The following PCDH9 variants were observed in gnomAD, a reference collection of about 807,000 sequenced individuals.
PCDH9 encodes protocadherin 9.
Under a neutral mutation model 70.6 loss-of-function variants are expected in PCDH9, and 24 were observed. That is an observed-to-expected ratio of 0.34 (90% CI 0.25 to 0.48). PCDH9 has a LOEUF of 0.48. PCDH9 is among the 20% of genes least tolerant of loss of function. The pLI is 0.99. For synonymous variants in PCDH9, 562 were observed against 558.5 expected (o/e 1.01, Z -0.09); for missense variants, 1,281 against 1,503.6 (o/e 0.85, Z 2.45).
chr13:66,358,405 G>C (rs1043706205), intron 4 of PCDH9, among the ~76,000 whole-genome samples: 3 of 151,818 alleles, frequency 2.0e-5, no homozygotes, highest in Non-Finnish European at 4.4e-5. Context: ...AAATAAGAGG[G>C]AAAAAATCTC....
chr13:66,871,833 C>T (rs1008038225), intron 3 of PCDH9, among the ~76,000 whole-genome samples: 1 of 151,978 alleles, frequency 6.6e-6, no homozygotes, highest in South Asian at 2.1e-4. Flanking sequence ...ATTACCACCC[C>T]CCCCTCAACA....
chr13:66,338,840 T>C (rs894970545), intron 4 of PCDH9, among the ~76,000 whole-genome samples: 10 of 151,654 alleles, frequency 6.6e-5, no homozygotes, highest in Non-Finnish European at 1.0e-4. Context: ...CTTTTAGGCT[T>C]CCATTGCTTC....
chr13:67,063,589 T>C (rs767729248), intron 2 of PCDH9, among the ~76,000 whole-genome samples: 4 of 151,962 alleles, frequency 2.6e-5, no homozygotes, highest in South Asian at 2.1e-4. Flanking sequence ...CTTTCCTCTA[T>C]ACTATACTGC....
intron 3 of PCDH9, among the ~76,000 whole-genome samples, chr13:66,775,636 TG>T (rs1166991989): frequency 6.6e-6 from 1 of 152,160 alleles, no homozygotes; most frequent in Non-Finnish European, 1.5e-5. Context: ...TACTCCTCCT[TG>T]TGATTTTCTT....
At chr13:67,016,013 A>C (rs2084553454) in intron 2 of PCDH9, among the ~76,000 whole-genome samples, 1 of 152,178 alleles carries the variant, frequency 6.6e-6, no homozygotes, top group South Asian at 2.1e-4. Context: ...AGTGAATTTC[A>C]GCAATTAAAA....
At chr13:66,581,974 CTT>C (rs1157679797) in intron 4 of PCDH9, among the ~76,000 whole-genome samples, 1 of 152,076 alleles carries the variant, frequency 6.6e-6, no homozygotes, top group Non-Finnish European at 1.5e-5. Flanking sequence ...GTCTTTGTCC[CTT>C]TTCAGTTTAG....
Position 66,648,284 on chromosome 13 carries a change from A to G in PCDH9, c.3139-16873T>C, listed in dbSNP as rs147453037. Among the ~76,000 whole-genome samples the G allele has an allele frequency of 6.0e-4, 91 of 152,338 alleles. 1 individual carries two copies. The East Asian group carries it at 0.013, about 21-fold the overall frequency. On this transcript the variant is annotated intron_variant, in intron 3 of 4. Transcript: ENST00000377865. ...GCTATGCTGGCTTCAGGTCTGAACC[A>G]GTGCAGTCACAGTGGTTGGGTGGCC...
rs562851359 is a variant in PCDH9 at position 66,929,565 on chromosome 13, C to T, written c.3037-25960G>A. 2.0e-5 allele frequency among the ~76,000 whole-genome samples: 3 copies of T among 152,194 alleles called. No individual in the cohort carries two copies. The South Asian group carries it at 6.2e-4, about 32-fold the overall frequency. ...TCTTGAACTCCAGACCTCAGGTGAT[C>T]CACCTGCCTCCGCCTCCCAAAGTGC... is the stretch of plus-strand genomic sequence containing the variant. On this transcript the variant is annotated intron_variant, in intron 2 of 4. Transcript: ENST00000377865.
At chr13:66,547,682 T>G (rs1961269091) in intron 4 of PCDH9, among the ~76,000 whole-genome samples, 10 of 151,880 alleles carry the variant, frequency 6.6e-5, no homozygotes. Context: ...CTTTAATAAT[T>G]TGTGAAAGGA....
At chr13:67,108,939 T>C (rs2086601191) in intron 2 of PCDH9, among the ~76,000 whole-genome samples, 1 of 152,218 alleles carries the variant, frequency 6.6e-6, no homozygotes, top group African/African-American at 2.4e-5. Flanking sequence ...TTTAACAGTT[T>C]GGCTCAATAC....
At chr13:66,866,515 T>C (rs1204094738) in intron 3 of PCDH9, among the ~76,000 whole-genome samples, 2 of 146,850 alleles carry the variant, frequency 1.4e-5, no homozygotes, top group African/African-American at 2.5e-5. Context: ...AACTTGCTCA[T>C]GGCTGGGCAT....
chr13:66,746,879 T>C (rs971937570), intron 3 of PCDH9, among the ~76,000 whole-genome samples: 2 of 152,220 alleles, frequency 1.3e-5, no homozygotes, highest in African/African-American at 2.4e-5. Flanking sequence ...TTTGGTACTT[T>C]TAATGTAACA....
rs113246215 is a variant in PCDH9 at position 66,717,945 on chromosome 13, C to T, written c.3139-86534G>A. On this transcript the variant is annotated intron_variant, in intron 3 of 4. Transcript: ENST00000377865. ...TATTCCCAACAGTGATCAAAATAATCAGATCATGTTAACGCATACTGTTGC... is the reference window on the plus strand; with the variant it reads ...TATTCCCAACAGTGATCAAAATAATTAGATCATGTTAACGCATACTGTTGC... Among the ~76,000 whole-genome samples, 1,150 of 152,220 alleles carry T rather than the reference C, an allele frequency of 7.6e-3. 16 individuals carry two copies. Among genetic ancestry groups the T allele is most frequent in the African/African-American group, 0.026 (1,086 of 41,538 alleles).
intron 3 of PCDH9, among the ~76,000 whole-genome samples, chr13:66,846,755 T>G (rs1027131797): frequency 2.0e-5 from 3 of 152,090 alleles, no homozygotes; most frequent in African/African-American, 7.2e-5. Context: ...AGCAAAATTA[T>G]CAACAATTTT....
intron 2 of PCDH9, among the ~76,000 whole-genome samples, chr13:66,993,894 G>C (rs1490429961): frequency 1.3e-5 from 2 of 152,120 alleles, no homozygotes; most frequent in Admixed American, 6.5e-5. Flanking sequence ...TACGGCATTT[G>C]CATCAGCCGA....
intron 4 of PCDH9, among the ~76,000 whole-genome samples, chr13:66,317,371 A>T (rs1312313167): frequency 1.3e-5 from 2 of 152,214 alleles, no homozygotes; most frequent in Admixed American, 1.3e-4. Context: ...AATTTATAGC[A>T]TAATATTTTT....
intron 2 of PCDH9, among the ~76,000 whole-genome samples, chr13:66,918,374 GCTT>G (rs1411393613): frequency 6.6e-6 from 1 of 151,110 alleles, no homozygotes; most frequent in African/African-American, 2.4e-5. Context: ...GTGAATTTTT[GCTT>G]CTTATAACCA....
In PCDH9 at chr13:66,977,245, A is replaced by T. The variant is rs76229903; in HGVS notation, c.3037-73640T>A. Among the ~76,000 whole-genome samples the T allele has an allele frequency of 8.0e-3, 1,225 of 152,178 alleles. 24 individuals carry two copies. The highest frequency in any genetic ancestry group is 0.028 in the African/African-American group (1,177 of 41,512). On this transcript the variant is annotated intron_variant, in intron 2 of 4. Transcript: ENST00000377865. ...TTTGGGGGATCTCGTCTAATTTTCA[A>T]AGGAAGAAGAAAAATCTGGCTTGCA...
intron 3 of PCDH9, among the ~76,000 whole-genome samples, chr13:66,874,936 T>TGA (rs1245909855): frequency 2.9e-5 from 4 of 139,694 alleles, no homozygotes; most frequent in African/African-American, 1.0e-4. Flanking sequence ...TGTGTGTGTG[T>TGA]GTGTGTGAGA....
Sources: gnomAD v4.1 joint callset for allele counts (sites outside exome capture counted in the v4.1 genomes callset) on GRCh38, gnomAD v4.1.1 for gene constraint, MANE v1.5 for transcripts, NCBI Gene and HGNC (gene_info 2026-07-23, HGNC 2026-07-21) for gene names.